The following DCAF8L2 variants were observed in gnomAD, a reference collection of about 807,000 sequenced individuals.
DCAF8L2 encodes the protein DDB1- and CUL4-associated factor 8-like protein 2.
For synonymous variants in DCAF8L2, 200 were observed against 190.9 expected, an observed-to-expected ratio of 1.05 and a Z score of -0.39; for missense variants, 430 against 490.7, an observed-to-expected ratio of 0.88 and a Z score of 1.17.
At chrX:27,573,654 T>G in the DCAF8L2 span, among the ~76,000 whole-genome samples, 2 of 111,411 alleles carry the variant, frequency 1.8e-5, no homozygotes, top group Non-Finnish European at 3.8e-5. Flanking sequence ...ACCCTTGAAC[T>G]TTTAAAATAC....
At chrX:27,482,456 T>A in the DCAF8L2 span, among the ~76,000 whole-genome samples, 1 of 111,595 alleles carries the variant, frequency 9.0e-6, no homozygotes, top group Admixed American at 9.6e-5. Context: ...CATAATTTCC[T>A]CTTATCCTTA....
At chrX:27,537,614 C>T in the DCAF8L2 span, among the ~76,000 whole-genome samples, 1 of 112,074 alleles carries the variant, frequency 8.9e-6, no homozygotes, top group Non-Finnish European at 1.9e-5. Flanking sequence ...CTGATTACAC[C>T]ATAATGTGGT....
chrX:27,722,295 T>G (rs758239349), intron 4 of DCAF8L2, among the ~76,000 whole-genome samples: 1 of 111,735 alleles, frequency 8.9e-6, no homozygotes, highest in African/African-American at 3.2e-5. Flanking sequence ...GAATCTCGAC[T>G]TACAATGTGG....
At chrX:27,611,564 G>A (rs75763098) in intron 1 of DCAF8L2, among the ~76,000 whole-genome samples, 1 of 109,628 alleles carries the variant, frequency 9.1e-6, no homozygotes, top group African/African-American at 3.3e-5. Flanking sequence ...ATTTACATTA[G>A]GTATTTCTCC....
chrX:27,624,604 A>G (rs1927926048), intron 1 of DCAF8L2, among the ~76,000 whole-genome samples: 2 of 111,652 alleles, frequency 1.8e-5, no homozygotes, highest in Non-Finnish European at 3.8e-5. Context: ...ACTTCAAACT[A>G]TACTACAAGG....
chrX:27,655,564 G>T (rs1929320076), intron 2 of DCAF8L2, among the ~76,000 whole-genome samples: 1 of 111,870 alleles, frequency 8.9e-6, no homozygotes, highest in African/African-American at 3.2e-5. Flanking sequence ...ATTTCCTCTG[G>T]AATACACAAT....
At chrX:27,619,869 T>TA (rs201872018) in intron 1 of DCAF8L2, among the ~76,000 whole-genome samples, 1 of 109,566 alleles carries the variant, frequency 9.1e-6, no homozygotes, top group South Asian at 3.8e-4. Context: ...ATAGGTAAAG[T>TA]AAAAAAAAGA....
intron 4 of DCAF8L2, 30 bp from the exon 5 acceptor site, chrX:27,746,808 G>C: frequency 1.1e-6 from 1 of 919,080 alleles, no homozygotes; most frequent in African/African-American, 2.0e-5. Context: ...ACTACCATCA[G>C]TCCTAACCGC....
At chrX:27,514,692 A>AAC in the DCAF8L2 span, among the ~76,000 whole-genome samples, 3 of 76,281 alleles carry the variant, frequency 3.9e-5, no homozygotes, top group Non-Finnish European at 6.9e-5. Context: ...AAAAAAAAAA[A>AAC]AAACAAAAAA....
chrX:27,690,221 G>T (rs753399595), intron 3 of DCAF8L2, among the ~76,000 whole-genome samples: 3 of 111,165 alleles, frequency 2.7e-5, no homozygotes, highest in Non-Finnish European at 5.7e-5. Flanking sequence ...AATAATAAAA[G>T]AAGATAAACT....
chrX:27,484,756 A>C, the DCAF8L2 span, among the ~76,000 whole-genome samples: 7 of 111,830 alleles, frequency 6.3e-5, no homozygotes, highest in Admixed American at 1.9e-4. Flanking sequence ...TATAAAAGCA[A>C]TTCTAAGAAA....
At chrX:27,509,555 G>T in the DCAF8L2 span, among the ~76,000 whole-genome samples, 2 of 112,111 alleles carry the variant, frequency 1.8e-5, no homozygotes, top group African/African-American at 3.2e-5. Context: ...ATTGCAGGTT[G>T]TCTAATGAAC....
chrX:27,682,281 T>C (rs2147242107), intron 3 of DCAF8L2, among the ~76,000 whole-genome samples: 1 of 111,975 alleles, frequency 8.9e-6, no homozygotes, highest in Admixed American at 9.5e-5. Flanking sequence ...AATTTTACAA[T>C]GAGACTCTCC....
chrX:27,663,736 C>A (rs906405830), intron 2 of DCAF8L2, among the ~76,000 whole-genome samples: 2 of 109,486 alleles, frequency 1.8e-5, no homozygotes, highest in African/African-American at 3.3e-5. Context: ...CTTGCTCTGT[C>A]ACCCAGGCTG....
the DCAF8L2 span, among the ~76,000 whole-genome samples, chrX:27,537,363 T>C: frequency 8.9e-6 from 1 of 112,529 alleles, no homozygotes; most frequent in African/African-American, 3.2e-5. Flanking sequence ...ATCATTTACA[T>C]AACATCTAAT....
At chrX:27,607,189 T>C (rs1406227609) in intron 1 of DCAF8L2, among the ~76,000 whole-genome samples, 1 of 111,955 alleles carries the variant, frequency 8.9e-6, no homozygotes, top group Non-Finnish European at 1.9e-5. Context: ...CTATTTTGCT[T>C]ACTATGCTGT....
At chrX:27,499,367 T>C in the DCAF8L2 span, among the ~76,000 whole-genome samples, 4 of 112,357 alleles carry the variant, frequency 3.6e-5, no homozygotes, top group Non-Finnish European at 7.5e-5. Context: ...CATTTGTATG[T>C]CTTCTTTGGA....
At chrX:27,471,297 C>A in the DCAF8L2 span, among the ~76,000 whole-genome samples, 2 of 111,688 alleles carry the variant, frequency 1.8e-5, no homozygotes, top group Non-Finnish European at 3.8e-5. Flanking sequence ...TATCATCAGG[C>A]CCTTCTCCAG....
At chrX:27,478,668 G>A in the DCAF8L2 span, among the ~76,000 whole-genome samples, 1 of 111,722 alleles carries the variant, frequency 9.0e-6, no homozygotes, top group East Asian at 2.8e-4. Context: ...TGAGAATAAT[G>A]CCAAGATATA....
Sources: gnomAD v4.1 joint callset for allele counts (sites outside exome capture counted in the v4.1 genomes callset) on GRCh38, gnomAD v4.1.1 for gene constraint, MANE v1.5 for transcripts, NCBI Gene and HGNC (gene_info 2026-07-23, HGNC 2026-07-21) for gene names.